The following PASD1 variants were observed in gnomAD, a reference collection of about 807,000 sequenced individuals.
PASD1 encodes PAS domain containing repressor 1.
Under a neutral mutation model 58.8 loss-of-function variants are expected in PASD1, and 13 were observed. That is an observed-to-expected ratio of 0.22 (90% confidence interval 0.14 to 0.35). PASD1 has a LOEUF of 0.35. PASD1 is among the 10% of genes least tolerant of loss of function. The pLI is 1.00. For missense variants in PASD1, 734 were observed against 568.3 expected, an observed-to-expected ratio of 1.29 and a Z score of -2.96; for synonymous variants, 236 against 216.7, an observed-to-expected ratio of 1.09 and a Z score of -0.78.
chrX:151,581,227 C>CAAAAAAAAAATAAAAAAAAAAAAAAAAA (rs2013087072), intron 1 of PASD1, among the ~76,000 whole-genome samples: 1 of 31,505 alleles, frequency 3.2e-5, no homozygotes. Flanking sequence ...AGCTCTGTAT[C>CAAAAAAAAAATAAAAAAAAAAAAAAAAA]AAAAAAAAAA....
chrX:151,582,222 G>T (rs1051360234), intron 1 of PASD1, among the ~76,000 whole-genome samples: 1 of 110,517 alleles, frequency 9.0e-6, no homozygotes, highest in Non-Finnish European at 1.9e-5. Flanking sequence ...CTGACCTCGT[G>T]ATCCACCACC....
chrX:151,621,085 C>T lies in PASD1; in HGVS notation c.307+56C>T, dbSNP rs143596150. On this transcript the variant is annotated intron_variant, in intron 5 of 15. Coordinates refer to ENST00000370357, the MANE Select transcript of PASD1 (RefSeq NM_173493.3). ...TAGGTTTTAAGGGACAAGTAACAAT[C>T]GCTCAATGGATTAATTTCTAAAAAG... 1,822 of 750,484 alleles carry T rather than the reference C, an allele frequency of 2.4e-3. 19 individuals carry two copies. In the African/African-American group the frequency reaches 0.035, roughly 14 times the overall value. 61.8% of individuals were successfully genotyped at this position (750,484 alleles called of 1,213,427 possible).
chrX:151,590,185 T>C (rs773205974), intron 1 of PASD1, among the ~76,000 whole-genome samples: 4 of 112,035 alleles, frequency 3.6e-5, no homozygotes, highest in African/African-American at 9.7e-5. Flanking sequence ...GCCACAAATA[T>C]AGACATTTCA....
chrX:151,669,176 G>GTATA (rs773707851), intron 11 of PASD1, among the ~76,000 whole-genome samples: 8 of 101,470 alleles, frequency 7.9e-5, no homozygotes, highest in South Asian at 4.4e-4. Context: ...ATGTGTGTGT[G>GTATA]TATATATATA....
At chrX:151,567,144 G>A (rs761488470) in intron 1 of PASD1, among the ~76,000 whole-genome samples, 5 of 110,929 alleles carry the variant, frequency 4.5e-5, no homozygotes, top group Non-Finnish European at 3.8e-5. Flanking sequence ...TTGGATTTTC[G>A]ATTTTCGAGT....
chrX:151,630,109 A>G (rs1375251770), intron 8 of PASD1, among the ~76,000 whole-genome samples: 1 of 112,333 alleles, frequency 8.9e-6, no homozygotes, highest in African/African-American at 3.2e-5. Context: ...TGGATTGTTT[A>G]TCATGTAGGA....
At chrX:151,611,807 GTTCA>G (rs2013563320) in intron 4 of PASD1, 54 bp downstream of exon 4, 3 of 900,251 alleles carry the variant, frequency 3.3e-6, no homozygotes, top group Admixed American at 2.9e-5. Context: ...TTGTTTAGGG[GTTCA>G]TTATTTATTT....
intron 1 of PASD1, among the ~76,000 whole-genome samples, chrX:151,593,448 A>G (rs1407358782): frequency 1.0e-5 from 1 of 97,835 alleles, no homozygotes; most frequent in Non-Finnish European, 2.0e-5. Context: ...CCTGTGTCCA[A>G]GTGTTCTCAT....
At chrX:151,668,014 T>C (rs1172498538) in intron 11 of PASD1, among the ~76,000 whole-genome samples, 1 of 111,380 alleles carries the variant, frequency 9.0e-6, no homozygotes, top group Non-Finnish European at 1.9e-5. Flanking sequence ...TCATACCTGA[T>C]TGCCCTGGCC....
At chrX:151,580,793 G>T (rs1306922138) in intron 1 of PASD1, among the ~76,000 whole-genome samples, 1 of 110,296 alleles carries the variant, frequency 9.1e-6, no homozygotes, top group African/African-American at 3.3e-5. Context: ...ATAACCCTTT[G>T]TGCATATATA....
chrX:151,640,041 G>A lies in PASD1; in HGVS notation c.630-8574G>A, dbSNP rs777692710. 6.3e-5 allele frequency among the ~76,000 whole-genome samples: 7 copies of A among 111,344 alleles called. No homozygotes were observed. The South Asian group carries it at 1.5e-3, about 24-fold the overall frequency. ...TGGTCTCTTGTTGCTTTATTTCCCC[G>A]CCTGGCTCAATAATAGTCCTATAAA... On this transcript the variant is annotated intron_variant, in intron 8 of 15. Coordinates refer to ENST00000370357, the MANE Select transcript of PASD1 (RefSeq NM_173493.3).
chrX:151,629,938 G>A lies in PASD1; in HGVS notation c.629+4408G>A, dbSNP rs147824644. 5.5e-3 allele frequency among the ~76,000 whole-genome samples: 617 copies of A among 111,663 alleles called. 4 individuals carry two copies. Among genetic ancestry groups the A allele is most frequent in the African/African-American group, 0.019 (588 of 30,672 alleles). ...ATTGGATGAAAAATATTCTGATGCA[G>A]CAAGGAGCCAGCTACCACATCTATG... On this transcript the variant is annotated intron_variant, in intron 8 of 15. Coordinates refer to ENST00000370357, the MANE Select transcript of PASD1 (RefSeq NM_173493.3).
chrX:151,673,528 A>G (rs1249459276), intron 14 of PASD1: 9 of 187,334 alleles, frequency 4.8e-5, no homozygotes, highest in Non-Finnish European at 8.9e-5. Context: ...ATTGATCACA[A>G]GACTTCCAGG....
At chrX:151,613,011 G>T (rs1280971808) in intron 4 of PASD1, among the ~76,000 whole-genome samples, 1 of 111,667 alleles carries the variant, frequency 9.0e-6, no homozygotes, top group Non-Finnish European at 1.9e-5. Context: ...GTAAGGAAGC[G>T]ATCCAGTTTC....
chrX:151,674,112 G>A lies in PASD1; in HGVS notation c.2101G>A (p.Gly701Ser), dbSNP rs866182877. 3.3e-6 allele frequency: 4 copies of A among 1,211,750 alleles called. No individual in the cohort carries two copies. Among genetic ancestry groups the A allele is most frequent in the Admixed American group, 2.2e-5 (1 of 46,082 alleles). The change falls in exon 15 of 16, where the codon GGT (glycine) becomes AGT (serine). Residue 701 changes from glycine to serine, a missense_variant. Physicochemically the swap from Gly to Ser is moderately conservative, Grantham distance 56 (BLOSUM62 0). Transcript: ENST00000370357. ...TTGGCAAGAGTTGTCTGATTCACTC[G>A]GTCCTGTTGTCCAAGTGAACACTTG... ...RLWQELSDSL[G>S]PVVQVNTWSC...
In PASD1 at chrX:151,664,230, GCCCAATGGACCAGCAGGA is replaced by G. The variant is rs759972296; in HGVS notation, c.958_975del (p.Met320_Pro325del). 4.8e-3 allele frequency: 5,828 copies of G among 1,209,029 alleles called. 11 individuals carry two copies. The highest frequency in any genetic ancestry group is 0.018 in the Middle Eastern group (79 of 4,345). On this transcript the variant is annotated inframe_deletion, in exon 11 of 16. Transcript: ENST00000370357. ...CAGGTGGACTCAGTGGACCAGGAGG[GCCCAATGGACCAGCAGGA>G]CCCAGAGAACCCAGTTGCCCCGTTG...
rs1428606824 is a variant in PASD1 at position 151,672,165 on chromosome X, T to A, written c.1438-18T>A. On this transcript the variant is annotated intron_variant, in intron 13 of 15. Transcript: ENST00000370357. ...TTGCAGACACCAGGGTGCTTTTATC[T>A]GTTGCCTTTCGATGCAGCAGCAACT... The A allele has an allele frequency of 8.8e-7, 1 of 1,138,710 alleles. No individual in the cohort carries two copies. Among genetic ancestry groups the A allele is most frequent in the Admixed American group, 3.2e-5 (1 of 30,988 alleles). The allele number at this position is 1,138,710 out of a possible 1,213,427, so 93.8% of individuals were successfully genotyped here.
At chrX:151,564,212 G>A (rs755086942) in intron 1 of PASD1, among the ~76,000 whole-genome samples, 25 of 112,984 alleles carry the variant, frequency 2.2e-4, no homozygotes, top group Non-Finnish European at 3.9e-4. Flanking sequence ...CGGTCTGAGC[G>A]GGCGGTTCGG....
At chrX:151,658,666 CAT>C (rs2014276298) in intron 9 of PASD1, among the ~76,000 whole-genome samples, 1 of 112,076 alleles carries the variant, frequency 8.9e-6, no homozygotes, top group African/African-American at 3.2e-5. Flanking sequence ...GAGTATAAAA[CAT>C]AGTCATTTGA....
Sources: allele counts gnomAD v4.1 joint callset (sites outside exome capture counted in the v4.1 genomes callset), GRCh38; gene constraint gnomAD v4.1.1; transcripts MANE v1.5; gene names NCBI Gene and HGNC (gene_info 2026-07-23, HGNC 2026-07-21).